RAB43: variants seen among roughly 807,000 people sequenced by gnomAD.
The protein encoded by RAB43 is ras-related protein Rab-43.
A neutral mutation model predicts 18.8 loss-of-function variants in RAB43; 6 were observed. The ratio of observed to expected loss-of-function variants is 0.32; its 90% confidence interval spans 0.17 to 0.63. RAB43 has a LOEUF of 0.63. Ranked by LOEUF, RAB43 falls within the 30% of genes least tolerant of loss-of-function variation. The pLI is 0.79. For missense variants in RAB43, 195 were observed against 289.1 expected (o/e 0.67, Z 2.36); for synonymous variants, 103 against 124.1 (o/e 0.83, Z 1.13).
chr3:129,102,808 C>T (rs1934513680), intron 1 of RAB43, among the ~76,000 whole-genome samples: 1 of 152,004 alleles, frequency 6.6e-6, no homozygotes, highest in African/African-American at 2.4e-5. Flanking sequence ...CCCACCCCAA[C>T]CAAGCCAGCT....
intron 1 of RAB43, among the ~76,000 whole-genome samples, chr3:129,117,152 C>A (rs1254156713): frequency 1.3e-5 from 2 of 152,166 alleles, no homozygotes; most frequent in South Asian, 2.1e-4. Flanking sequence ...ACTATATATA[C>A]CCTTTGAAGT....
intron 1 of RAB43, among the ~76,000 whole-genome samples, chr3:129,105,343 C>T (rs570578051): frequency 2.6e-5 from 4 of 152,076 alleles, no homozygotes; most frequent in Admixed American, 2.0e-4. Context: ...AGCCTGGTTA[C>T]TCAGGAGGCT....
intron 2 of RAB43, among the ~76,000 whole-genome samples, chr3:129,093,093 C>T (rs959643280): frequency 1.3e-5 from 2 of 151,908 alleles, no homozygotes; most frequent in Non-Finnish European, 2.9e-5. Flanking sequence ...CAGGTTCAAG[C>T]GATTCTCCTA....
At chr3:129,102,964 G>A (rs900318) in intron 1 of RAB43, among the ~76,000 whole-genome samples, 133,846 of 152,180 alleles carry the variant, frequency 0.88, 59,980 homozygotes, top group Non-Finnish European at 0.97. Flanking sequence ...CCAGGCCTAG[G>A]CTCAGTGTCT....
intron 1 of RAB43, among the ~76,000 whole-genome samples, chr3:129,111,130 A>G (rs1460871987): frequency 6.6e-6 from 1 of 151,904 alleles, no homozygotes; most frequent in African/African-American, 2.4e-5. Flanking sequence ...TTCACTTCAC[A>G]TGCATTTCTC....
At position 129,107,310 on chromosome 3, in the gene RAB43, C is replaced by T. The variant is rs1204108119; in HGVS notation, c.205-12141G>A. Among the ~76,000 whole-genome samples, 1 of 152,168 alleles carries T rather than the reference C, an allele frequency of 6.6e-6. No individual in the cohort carries two copies. Among genetic ancestry groups the T allele is most frequent in the Admixed American group, 6.5e-5 (1 of 15,282 alleles). ...CTGGCACCTCCTGCAGGAATCAAAC[C>T]CGTTCCTGAACAGCTTGGATGAGAA... On this transcript the variant is annotated intron_variant, in intron 1 of 2. Transcript: ENST00000315150. The surrounding 1 kb of genome is among the most constrained non-coding windows in gnomAD (Gnocchi z 4.2).
intron 1 of RAB43, among the ~76,000 whole-genome samples, chr3:129,109,403 C>T (rs1935002788): frequency 6.7e-6 from 1 of 148,352 alleles, no homozygotes; most frequent in Non-Finnish European, 1.5e-5. Flanking sequence ...GAGCGAGACT[C>T]CGTCTCAAAA....
chr3:129,104,697 C>T (rs1179795831), intron 1 of RAB43, among the ~76,000 whole-genome samples: 1 of 152,240 alleles, frequency 6.6e-6, no homozygotes, highest in Non-Finnish European at 1.5e-5. Context: ...AGTCGGGAAG[C>T]ACATGTTGGG....
intron 1 of RAB43, among the ~76,000 whole-genome samples, chr3:129,109,074 A>AT (rs1367470899): frequency 6.6e-6 from 1 of 152,190 alleles, no homozygotes; most frequent in African/African-American, 2.4e-5. Context: ...CAAAAAAAAA[A>AT]AAAAATCATG....
chr3:129,090,771 G>T lies in RAB43; in HGVS notation c.*325C>A. ...GTAAAGCAAACCCATGAGAGGAAAC[G>T]GTCAGAGCCAGCAGGCATGGGACAG... On this transcript the variant is annotated 3_prime_UTR_variant, in exon 3 of 3. Coordinates refer to ENST00000315150, the MANE Select transcript of RAB43 (RefSeq NM_198490.3). The T allele has an allele frequency of 4.0e-6, 1 of 252,382 alleles. No individual in the cohort carries two copies. The highest frequency in any genetic ancestry group is 7.6e-6 in the Non-Finnish European group (1 of 131,482). 15.6% of individuals were successfully genotyped at this position (252,382 alleles called of 1,614,324 possible). A position where few individuals can be genotyped will look rare whatever the true frequency, so the allele number is the denominator to read the frequency against.
rs1934880406 is a variant in RAB43, at chr3:129,107,796, C to A, written c.205-12627G>T. ...ATGGCCCACACTGAACAACCCCAAC[C>A]CTCAAACCATCCCTCCAGTTCCCTG... On this transcript the variant is annotated intron_variant, in intron 1 of 2. Coordinates refer to ENST00000315150, the MANE Select transcript of RAB43 (RefSeq NM_198490.3). The surrounding 1 kb of genome is among the most constrained non-coding windows in gnomAD (Gnocchi z 4.2). Among the ~76,000 whole-genome samples the A allele has an allele frequency of 6.6e-6, 1 of 152,166 alleles. No homozygotes were observed. The highest frequency in any genetic ancestry group is 1.5e-5 in the Non-Finnish European group (1 of 68,024).
At chr3:129,117,387 G>C (rs901029449) in intron 1 of RAB43, among the ~76,000 whole-genome samples, 6 of 152,194 alleles carry the variant, frequency 3.9e-5, no homozygotes, top group Non-Finnish European at 5.9e-5. Context: ...CAGAACTTCA[G>C]ACTCCTAGTC....
At chr3:129,115,352 A>G (rs1935453050) in intron 1 of RAB43, among the ~76,000 whole-genome samples, 1 of 151,338 alleles carries the variant, frequency 6.6e-6, no homozygotes, top group Non-Finnish European at 1.5e-5. Context: ...ACAAAAAACA[A>G]AATCAGCCAG....
At chr3:129,105,239 G>C (rs1339323673) in intron 1 of RAB43, among the ~76,000 whole-genome samples, 1 of 152,206 alleles carries the variant, frequency 6.6e-6, no homozygotes, top group Non-Finnish European at 1.5e-5. Flanking sequence ...GATTACCTCA[G>C]GCCAGCAGTT....
chr3:129,115,421 T>G (rs537162436), intron 1 of RAB43, among the ~76,000 whole-genome samples: 2 of 152,044 alleles, frequency 1.3e-5, no homozygotes, highest in South Asian at 4.2e-4. Flanking sequence ...GGAGAATCAC[T>G]TGAGCCCAGG....
intron 1 of RAB43, among the ~76,000 whole-genome samples, chr3:129,115,344 A>C (rs1010417371): frequency 6.6e-6 from 1 of 151,004 alleles, no homozygotes; most frequent in African/African-American, 2.4e-5. Context: ...AACAAAAAAC[A>C]AAAAACAAAA....
intron 1 of RAB43, among the ~76,000 whole-genome samples, chr3:129,100,311 C>T (rs1057116380): frequency 1.3e-5 from 2 of 152,154 alleles, no homozygotes; most frequent in Admixed American, 6.6e-5. Context: ...GAAATCAAGA[C>T]GTTTGCAGAT....
chr3:129,106,885 A>G (rs1048929615), intron 1 of RAB43, among the ~76,000 whole-genome samples: 1 of 152,164 alleles, frequency 6.6e-6, no homozygotes, highest in African/African-American at 2.4e-5. Flanking sequence ...AGTGAAGAAA[A>G]ATCCAGGATG....
At chr3:129,113,980 T>A (rs537717998) in intron 1 of RAB43, among the ~76,000 whole-genome samples, 87 of 152,084 alleles carry the variant, frequency 5.7e-4, no homozygotes, top group Middle Eastern at 3.4e-3. Flanking sequence ...TGAGCCGGGA[T>A]CACGCCTCGC....
Sources: allele counts gnomAD v4.1 joint callset (sites outside exome capture counted in the v4.1 genomes callset), GRCh38; gene constraint gnomAD v4.1.1; non-coding constraint Gnocchi (gnomAD v3.1); transcripts MANE v1.5; gene names NCBI Gene and HGNC (gene_info 2026-07-23, HGNC 2026-07-21).